RB1: variants seen among roughly 807,000 people sequenced by gnomAD.
The protein encoded by RB1 is retinoblastoma-associated protein.
RB1 carries 18 observed loss-of-function variants against 135.4 expected under a neutral mutation model. That is an observed-to-expected ratio of 0.13 (90% CI 0.09 to 0.20). The LOEUF is 0.20. Among genes scored for constraint, RB1 ranks in the 10% least tolerant of loss-of-function variants. The pLI is 1.00. For missense variants in RB1, 868 were observed against 1,110.0 expected, an observed-to-expected ratio of 0.78 and a Z score of 3.10; for synonymous variants, 365 against 373.2, an observed-to-expected ratio of 0.98 and a Z score of 0.25.
chr13:48,329,937 C>A (rs1952318533), intron 2 of RB1, among the ~76,000 whole-genome samples: 1 of 151,922 alleles, frequency 6.6e-6, no homozygotes, highest in Non-Finnish European at 1.5e-5. Flanking sequence ...GGCCATAAAA[C>A]AAGTATTAAT....
At chr13:48,452,887 T>G in intron 17 of RB1, 106 bp from the exon 18 acceptor site, 1 of 1,489,158 alleles carries the variant, frequency 6.7e-7, no homozygotes, top group Non-Finnish European at 9.1e-7. Flanking sequence ...CTGTCAATTG[T>G]GCCTAAAATT....
intron 17 of RB1, among the ~76,000 whole-genome samples, chr13:48,408,304 A>G (rs1948757814): frequency 6.6e-6 from 1 of 152,006 alleles, no homozygotes; most frequent in African/African-American, 2.4e-5. Context: ...AAAATAAACT[A>G]GGTACTTGAT....
intron 23 of RB1, among the ~76,000 whole-genome samples, chr13:48,465,688 C>T (rs1045981724): frequency 1.9e-4 from 29 of 151,368 alleles, no homozygotes; most frequent in Non-Finnish European, 3.1e-4. Flanking sequence ...TGGGCGCAGG[C>T]CAGTGTGTGT....
chr13:48,336,541 T>A (rs1023127043), intron 2 of RB1, among the ~76,000 whole-genome samples: 1 of 152,132 alleles, frequency 6.6e-6, no homozygotes, highest in Non-Finnish European at 1.5e-5. Context: ...ATCCCCTTTA[T>A]CATTTTTTAT....
At chr13:48,472,389 T>A (rs1338923455) in intron 23 of RB1, among the ~76,000 whole-genome samples, 1 of 152,202 alleles carries the variant, frequency 6.6e-6, no homozygotes, top group Non-Finnish European at 1.5e-5. Context: ...TATTTGGTGT[T>A]CTTGTAGTTG....
rs553821522 is a variant in RB1 at position 48,477,653 on chromosome 13, A to G, written c.2713+249A>G. ...AGACTAAGAAGTGAAACATTGCTTGACCACATTCAACACAAATGGCTACAG... is the reference window on the plus strand; with the variant it reads ...AGACTAAGAAGTGAAACATTGCTTGGCCACATTCAACACAAATGGCTACAG... On this transcript the variant is annotated intron_variant, in intron 26 of 26. Coordinates refer to ENST00000267163, the MANE Select transcript of RB1 (RefSeq NM_000321.3). 1.9e-3 allele frequency among the ~76,000 whole-genome samples: 294 copies of G among 152,286 alleles called. 2 individuals are homozygous for G. Among genetic ancestry groups the G allele is most frequent in the Non-Finnish European group, 3.6e-3 (243 of 67,994 alleles).
At position 48,318,614 on chromosome 13, in the gene RB1, G is replaced by T. The variant is rs1053146654; in HGVS notation, c.264+11208G>T. ...CATGGCCGGGCACGGCTCACGCCTG[G>T]CTGTGGTCGGCATCCTGGCCACCAT... is the stretch of plus-strand genomic sequence containing the variant. On this transcript the variant is annotated intron_variant, in intron 2 of 26. Coordinates refer to ENST00000267163, the MANE Select transcript of RB1 (RefSeq NM_000321.3). 26 of 609,964 alleles carry T rather than the reference G, an allele frequency of 4.3e-5. No individual in the cohort carries two copies. The African/African-American group carries it at 4.5e-4, about 10-fold the overall frequency. The allele number at this position is 609,964 out of a possible 1,614,324, so 37.8% of individuals were successfully genotyped here. A position where few individuals can be genotyped will look rare whatever the true frequency, so the allele number is the denominator to read the frequency against.
intron 17 of RB1, among the ~76,000 whole-genome samples, chr13:48,404,578 G>C (rs1948722905): frequency 1.3e-5 from 2 of 152,040 alleles, no homozygotes; most frequent in Admixed American, 1.3e-4. Context: ...CCAGGCTGGA[G>C]TGCAATGGTG....
rs1593426616 is a variant in RB1, at chr13:48,328,140, T to C, written c.265-14459T>C. The C allele has an allele frequency of 2.4e-6, 3 of 1,247,890 alleles. No individual in the cohort carries two copies. In the East Asian group the frequency reaches 7.0e-5, roughly 29 times the overall value. 77.3% of individuals were successfully genotyped at this position (1,247,890 alleles called of 1,614,324 possible). A position where few individuals can be genotyped will look rare whatever the true frequency, so the allele number is the denominator to read the frequency against. On this transcript the variant is annotated intron_variant, in intron 2 of 26. Coordinates refer to ENST00000267163, the MANE Select transcript of RB1 (RefSeq NM_000321.3). The stretch of plus-strand genomic sequence containing the variant: ...TTTTATATTCCACTCCCATAGCTTC[T>C]GGTTATCAGAAAACCCATGCTTTCC...
intron 17 of RB1, among the ~76,000 whole-genome samples, chr13:48,443,787 GT>G (rs1401709338): frequency 4.6e-5 from 7 of 152,144 alleles, no homozygotes; most frequent in Middle Eastern, 3.4e-3. Flanking sequence ...ACCTGGCTAT[GT>G]TTTATATTGC....
intron 7 of RB1, among the ~76,000 whole-genome samples, chr13:48,361,205 C>T (rs962168987): frequency 2.0e-5 from 3 of 152,042 alleles, no homozygotes; most frequent in African/African-American, 7.2e-5. Flanking sequence ...GTTGATGTTG[C>T]AAGTTACTTT....
rs1319691084 is a variant in RB1 at position 48,345,173 on chromosome 13, G to C, written c.474G>C (p.Leu158Phe). Residue 158 changes from leucine to phenylalanine, a missense_variant, in exon 4 of 27, where the codon TTG becomes TTC. This residue lies in a region of RB1 where 641 missense variants were observed against 791.3 expected (regional missense o/e 0.81). Coordinates refer to ENST00000267163, the MANE Select transcript of RB1 (RefSeq NM_000321.3). ...MSRLLKKYDV[L>F]FALFSKLERT... is the part of the protein sequence containing the mutation. ...GACTGTTGAAGAAGTATGATGTATTGTTTGCACTCTTCAGCAAATTGGAAA... is the reference window on the plus strand; with the variant it reads ...GACTGTTGAAGAAGTATGATGTATTCTTTGCACTCTTCAGCAAATTGGAAA... The C allele has an allele frequency of 8.7e-6, 14 of 1,612,480 alleles. No individual in the cohort carries two copies. Among genetic ancestry groups the C allele is most frequent in the Non-Finnish European group, 1.1e-5 (13 of 1,179,518 alleles).
intron 17 of RB1, among the ~76,000 whole-genome samples, chr13:48,391,236 C>T (rs1948608164): frequency 6.6e-6 from 1 of 152,114 alleles, no homozygotes; most frequent in African/African-American, 2.4e-5. Flanking sequence ...AGTATATTTC[C>T]ATTTTCCCTT....
intron 17 of RB1, chr13:48,445,202 C>T (rs1949276755): frequency 6.6e-6 from 1 of 152,182 alleles, no homozygotes; most frequent in Non-Finnish European, 1.5e-5. Flanking sequence ...ACTTGGAATA[C>T]TTTCCTGAAA....
intron 6 of RB1, among the ~76,000 whole-genome samples, chr13:48,358,100 G>A (rs1056273206): frequency 6.6e-6 from 1 of 152,044 alleles, no homozygotes; most frequent in Non-Finnish European, 1.5e-5. Flanking sequence ...TAGTTTAATT[G>A]ACCACTAGGC....
At chr13:48,359,260 A>G (rs908415734) in intron 6 of RB1, among the ~76,000 whole-genome samples, 18 of 151,808 alleles carry the variant, frequency 1.2e-4, no homozygotes, top group Non-Finnish European at 2.5e-4. Flanking sequence ...AGTTGTATAT[A>G]TATTCTAATA....
chr13:48,461,382 A>G (rs1481678535), intron 20 of RB1, among the ~76,000 whole-genome samples: 1 of 152,152 alleles, frequency 6.6e-6, no homozygotes, highest in African/African-American at 2.4e-5. Flanking sequence ...CATTGTATGG[A>G]TATACACCAC....
intron 17 of RB1, among the ~76,000 whole-genome samples, chr13:48,385,878 G>C (rs2138151242): frequency 6.6e-6 from 1 of 152,144 alleles, no homozygotes; most frequent in East Asian, 1.9e-4. Context: ...ATCCAGCATA[G>C]AAAGAAGGTC....
chr13:48,447,701 A>T (rs1949298381), intron 17 of RB1, among the ~76,000 whole-genome samples: 1 of 152,150 alleles, frequency 6.6e-6, no homozygotes, highest in Non-Finnish European at 1.5e-5. Context: ...GAACCCATGT[A>T]CTGTGGCTCC....
Sources: gnomAD v4.1 joint callset for allele counts (sites outside exome capture counted in the v4.1 genomes callset) on GRCh38, gnomAD v4.1.1 for gene constraint, gnomAD v4.1.1 regional missense constraint, MANE v1.5 for transcripts, NCBI Gene and HGNC (gene_info 2026-07-23, HGNC 2026-07-21) for gene names.